Variants in CNTLN observed in about 807,000 individuals in gnomAD.
CNTLN encodes centlein, centrosomal protein.
CNTLN carries 212 observed loss-of-function variants against 180.0 expected under a neutral mutation model. The observed-to-expected ratio is 1.18, with a 90% CI of 1.05 to 1.32. The LOEUF (loss-of-function observed/expected upper bound fraction) is 1.32, where lower values mean the gene tolerates loss of function less well. Ranked by LOEUF, CNTLN falls within the 40% of genes most tolerant of loss-of-function variation. The probability of loss-of-function intolerance (pLI) is 0.00; values close to 1 mark genes in which losing one functional copy is unlikely to be tolerated. For synonymous variants in CNTLN, 722 were observed against 563.1 expected (o/e 1.28, Z -3.99); for missense variants, 2,095 against 1,610.9 (o/e 1.30, Z -5.14).
chr9:17,205,844 G>C (rs887204239), intron 2 of CNTLN, among the ~76,000 whole-genome samples: 1 of 151,968 alleles, frequency 6.6e-6, no homozygotes, highest in African/African-American at 2.4e-5. Flanking sequence ...TTTTCTTGAC[G>C]GACTATTTAA....
At chr9:17,289,890 T>C (rs1248246621) in intron 6 of CNTLN, among the ~76,000 whole-genome samples, 1 of 132,812 alleles carries the variant, frequency 7.5e-6, no homozygotes, top group Non-Finnish European at 1.6e-5. Context: ...CTGTATTGGT[T>C]ATTCTAGGTA....
rs183141061 is a variant in CNTLN, at chr9:17,436,008, A to C, written c.3114+19819A>C. ...TAGGCTAGGGGATATAAGAGAAACA[A>C]ATAAATGTATTTCCTTATTCTTATC... is the stretch of plus-strand genomic sequence containing the variant. On this transcript the variant is annotated intron_variant, in intron 18 of 25. Transcript: ENST00000380647. Among the ~76,000 whole-genome samples, 189 of 152,236 alleles carry C rather than the reference A, an allele frequency of 1.2e-3. 1 individual carries two copies. The highest frequency in any genetic ancestry group is 4.2e-3 in the African/African-American group (173 of 41,542).
intron 18 of CNTLN, among the ~76,000 whole-genome samples, chr9:17,417,364 G>A (rs1587938727): frequency 6.6e-6 from 1 of 150,938 alleles, no homozygotes; most frequent in East Asian, 1.9e-4. Context: ...AAATGACATT[G>A]TTTTATATCT....
chr9:17,167,849 C>T (rs901513722), intron 2 of CNTLN: 3 of 152,104 alleles, frequency 2.0e-5, no homozygotes, highest in African/African-American at 7.2e-5. Flanking sequence ...AGGATTTACA[C>T]CTGCCATGTA....
chr9:17,279,913 C>T (rs1012953486), intron 6 of CNTLN, among the ~76,000 whole-genome samples: 22 of 152,038 alleles, frequency 1.4e-4, no homozygotes, highest in African/African-American at 4.6e-4. Flanking sequence ...TATGGGAATG[C>T]GACTGTTGGC....
chr9:17,338,125 T>TTTCCTTCCTTCCTTCCTTCC (rs71331485), intron 10 of CNTLN, among the ~76,000 whole-genome samples: 2 of 148,144 alleles, frequency 1.4e-5, no homozygotes, highest in African/African-American at 2.5e-5. Flanking sequence ...TCCCTCCTTC[T>TTTCCTTCCTTCCTTCCTTCC]TTCCTTCCTT....
chr9:17,295,052 C>A (rs1252133551), intron 6 of CNTLN, among the ~76,000 whole-genome samples: 2 of 151,912 alleles, frequency 1.3e-5, no homozygotes, highest in Non-Finnish European at 2.9e-5. Flanking sequence ...GGACCTGGTG[C>A]ACTGTCCGCG....
chr9:17,167,043 A>C (rs1820119348), intron 2 of CNTLN: 1 of 214,196 alleles, frequency 4.7e-6, no homozygotes, highest in African/African-American at 2.4e-5. Context: ...GATAGATTGT[A>C]ATGTTTTTGA....
At chr9:17,203,381 G>C (rs1822686900) in intron 2 of CNTLN, among the ~76,000 whole-genome samples, 3 of 151,954 alleles carry the variant, frequency 2.0e-5, no homozygotes, top group Non-Finnish European at 4.4e-5. Context: ...ATGTTGGCCT[G>C]TCTTGCTAGG....
intron 25 of CNTLN, among the ~76,000 whole-genome samples, chr9:17,497,567 C>T (rs978375045): frequency 1.3e-5 from 2 of 152,108 alleles, no homozygotes; most frequent in African/African-American, 4.8e-5. Context: ...CTTTTTTCTT[C>T]ATTCTGTCTT....
At chr9:17,332,485 GA>G (rs1287490381) in intron 9 of CNTLN, 119 bp from the exon 10 acceptor site, 1 of 624,696 alleles carries the variant, frequency 1.6e-6, no homozygotes, top group African/African-American at 3.3e-5. Flanking sequence ...TTCCATGCAG[GA>G]TTTTTTTTTT....
At chr9:17,219,100 C>G (rs557590021) in intron 2 of CNTLN, among the ~76,000 whole-genome samples, 1 of 152,130 alleles carries the variant, frequency 6.6e-6, no homozygotes, top group Non-Finnish European at 1.5e-5. Context: ...TTGACAGCCT[C>G]TCTTCGCTTC....
chr9:17,309,687 A>G (rs1230194431), intron 8 of CNTLN, among the ~76,000 whole-genome samples: 1 of 152,058 alleles, frequency 6.6e-6, no homozygotes, highest in Non-Finnish European at 1.5e-5. Flanking sequence ...ATGATTTTGG[A>G]CAGGTCATGT....
intron 14 of CNTLN, among the ~76,000 whole-genome samples, chr9:17,393,120 C>G (rs903247390): frequency 5.9e-5 from 9 of 152,024 alleles, no homozygotes; most frequent in African/African-American, 2.2e-4. Context: ...ATAGATGGTG[C>G]CTTCTTGCTG....
intron 8 of CNTLN, among the ~76,000 whole-genome samples, chr9:17,327,200 T>G (rs1480518514): frequency 6.7e-6 from 1 of 149,036 alleles, no homozygotes; most frequent in Non-Finnish European, 1.5e-5. Context: ...ATGACAAAAA[T>G]ATAGTAGTTA....
chr9:17,178,899 C>T (rs1820921986), intron 2 of CNTLN, among the ~76,000 whole-genome samples: 4 of 152,128 alleles, frequency 2.6e-5, no homozygotes, highest in South Asian at 2.1e-4. Flanking sequence ...GAGGAGGCGC[C>T]GAGAGCGAGG....
chr9:17,484,217 T>C (rs1832786272), intron 23 of CNTLN, 78 bp from the exon 24 acceptor site: 2 of 1,131,450 alleles, frequency 1.8e-6, no homozygotes, highest in Non-Finnish European at 2.5e-6. Context: ...TGTTAGTATC[T>C]TCATATTTTT....
intron 5 of CNTLN, among the ~76,000 whole-genome samples, chr9:17,251,925 A>T (rs1826168204): frequency 6.6e-6 from 1 of 151,642 alleles, no homozygotes; most frequent in Non-Finnish European, 1.5e-5. Flanking sequence ...GGTATCTATC[A>T]CTGTATTCCC....
intron 6 of CNTLN, among the ~76,000 whole-genome samples, chr9:17,289,823 G>C (rs9406673): frequency 0.36 from 43,105 of 118,324 alleles, 9,823 homozygotes; most frequent in South Asian, 0.56. Context: ...CTTCTGCATT[G>C]TTCACCTAGT....
Sources: allele counts gnomAD v4.1 joint callset (sites outside exome capture counted in the v4.1 genomes callset), GRCh38; gene constraint gnomAD v4.1.1; transcripts MANE v1.5; gene names NCBI Gene and HGNC (gene_info 2026-07-23, HGNC 2026-07-21).